The following DENND2C variants were observed in gnomAD, a reference collection of about 807,000 sequenced individuals.
The protein encoded by DENND2C is DENN domain containing 2C.
DENND2C carries 72 observed loss-of-function variants against 112.4 expected under a neutral mutation model. The ratio of observed to expected loss-of-function variants is 0.64; its 90% CI spans 0.53 to 0.78. The LOEUF is 0.78. Among genes scored for constraint, DENND2C ranks in the 30% least tolerant of loss-of-function variants. The pLI is 0.00. For synonymous variants in DENND2C, 329 were observed against 381.6 expected, an observed-to-expected ratio of 0.86 and a Z score of 1.61; for missense variants, 992 against 1,113.8, an observed-to-expected ratio of 0.89 and a Z score of 1.56.
At chr1:114,638,636 G>C (rs572694979) in intron 3 of DENND2C, among the ~76,000 whole-genome samples, 1 of 151,406 alleles carries the variant, frequency 6.6e-6, no homozygotes, top group East Asian at 1.9e-4. Flanking sequence ...GGCGTTGTGC[G>C]TCTGTAATCC....
intron 1 of DENND2C, among the ~76,000 whole-genome samples, chr1:114,659,947 C>T (rs796661718): frequency 1.2e-4 from 8 of 66,448 alleles, no homozygotes; most frequent in South Asian, 6.5e-4. Context: ...CACATCACCA[C>T]GCCTGGCTAA....
At chr1:114,640,312 T>C (rs1393928954) in intron 3 of DENND2C, among the ~76,000 whole-genome samples, 2 of 152,220 alleles carry the variant, frequency 1.3e-5, no homozygotes, top group Non-Finnish European at 2.9e-5. Flanking sequence ...AATCAGTTCA[T>C]GAAAGTTTAT....
chr1:114,633,439 C>CAAAAAA (rs780884019), intron 3 of DENND2C, among the ~76,000 whole-genome samples: 1,111 of 42,448 alleles, frequency 0.026, no homozygotes, highest in East Asian at 0.041. Flanking sequence ...GACCCTATCT[C>CAAAAAA]AAAAAAAAAA....
chr1:114,627,259 A>G (rs1235732240), intron 3 of DENND2C, among the ~76,000 whole-genome samples: 1 of 152,182 alleles, frequency 6.6e-6, no homozygotes, highest in Non-Finnish European at 1.5e-5. Flanking sequence ...AACTTTTCCT[A>G]CCAACTGAGT....
At chr1:114,617,050 T>G (rs1388989366) in intron 8 of DENND2C, among the ~76,000 whole-genome samples, 1 of 152,054 alleles carries the variant, frequency 6.6e-6, no homozygotes, top group Non-Finnish European at 1.5e-5. Context: ...ACTTATTCAC[T>G]CTCATGAGAA....
intron 17 of DENND2C, 24 bp downstream of exon 17, chr1:114,595,808 G>C: frequency 6.2e-7 from 1 of 1,600,238 alleles, no homozygotes; most frequent in Non-Finnish European, 8.6e-7. Flanking sequence ...TAAAACATAA[G>C]TAATTACCTC....
At chr1:114,609,779 T>A (rs988500011) in intron 9 of DENND2C, among the ~76,000 whole-genome samples, 1 of 152,200 alleles carries the variant, frequency 6.6e-6, no homozygotes, top group Non-Finnish European at 1.5e-5. Context: ...AGTTATACTA[T>A]AGATCAAAAT....
chr1:114,633,607 GA>G (rs984324144), intron 3 of DENND2C, among the ~76,000 whole-genome samples: 7 of 149,598 alleles, frequency 4.7e-5, no homozygotes, highest in South Asian at 4.2e-4. Context: ...ACTATTAAAA[GA>G]AAAAAAAAGG....
rs79000220 is a variant in DENND2C at position 114,654,780 on chromosome 1, A to T, written c.-573-19T>A. ...CTGCCACCTAAAAAAAAAAAAAAAA[A>T]AGACAAAGTAGGCAGTCTAAGATGT... On this transcript the variant is annotated intron_variant, in intron 1 of 20. Transcript: ENST00000393274. 6.8e-4 allele frequency: 103 copies of T among 151,660 alleles called. 1 individual carries two copies. The highest frequency in any genetic ancestry group is 2.5e-3 in the African/African-American group (101 of 41,202). 9.4% of individuals were successfully genotyped at this position (151,660 alleles called of 1,614,324 possible). A position where few individuals can be genotyped will look rare whatever the true frequency, so the allele number is the denominator to read the frequency against.
At chr1:114,662,031 T>C (rs189342130) in intron 1 of DENND2C, among the ~76,000 whole-genome samples, 210 of 152,288 alleles carry the variant, frequency 1.4e-3, no homozygotes, top group Non-Finnish European at 2.5e-3. Context: ...ACCATCACTC[T>C]AATTCACATA....
chr1:114,645,812 A>G (rs1656965227), intron 2 of DENND2C, among the ~76,000 whole-genome samples: 1 of 150,916 alleles, frequency 6.6e-6, no homozygotes, highest in Admixed American at 6.6e-5. Flanking sequence ...GTGTGTAGAT[A>G]GGAGAGCTTT....
intron 9 of DENND2C, among the ~76,000 whole-genome samples, chr1:114,609,391 C>T (rs1348964187): frequency 2.6e-5 from 4 of 152,272 alleles, no homozygotes; most frequent in Non-Finnish European, 5.9e-5. Context: ...TGTCCAGTTC[C>T]CTTCTCTCCT....
chr1:114,611,187 T>C, intron 8 of DENND2C, 70 bp from the exon 9 acceptor site: 1 of 1,564,992 alleles, frequency 6.4e-7, no homozygotes, highest in Non-Finnish European at 8.8e-7. Flanking sequence ...GAGAACAATG[T>C]AAACCCACAA....
chr1:114,633,369 AAG>A (rs1656547469), intron 3 of DENND2C, among the ~76,000 whole-genome samples: 1 of 149,936 alleles, frequency 6.7e-6, no homozygotes, highest in Non-Finnish European at 1.5e-5. Flanking sequence ...CGCTTGAAGC[AAG>A]CGAGGTTGCA....
intron 1 of DENND2C, among the ~76,000 whole-genome samples, chr1:114,656,586 C>T (rs1011102676): frequency 6.6e-6 from 1 of 151,034 alleles, no homozygotes. Flanking sequence ...TTAGTAGAGA[C>T]GTAGTTTCAC....
intron 8 of DENND2C, among the ~76,000 whole-genome samples, chr1:114,613,284 G>GT (rs903774139): frequency 1.3e-5 from 2 of 152,212 alleles, no homozygotes; most frequent in Admixed American, 1.3e-4. Context: ...TCTGAATAGT[G>GT]TAAGAGTATT....
chr1:114,613,300 A>C (rs1655873109), intron 8 of DENND2C, among the ~76,000 whole-genome samples: 1 of 152,248 alleles, frequency 6.6e-6, no homozygotes, highest in African/African-American at 2.4e-5. Flanking sequence ...GTATTTGTGT[A>C]GAAAATGTAT....
rs555159614 is a variant in DENND2C at position 114,639,778 on chromosome 1, C to T, written c.-205+5670G>A. 9.1e-4 allele frequency among the ~76,000 whole-genome samples: 136 copies of T among 149,932 alleles called. 1 individual carries two copies. Among genetic ancestry groups the T allele is most frequent in the African/African-American group, 2.7e-3 (112 of 40,754 alleles). Reference sequence around the variant, plus strand: ...AGGCTGGAGTGCAATGGCTTGATCTCGGCTCACTGCAACTTCGGCCTCCTG... The same window carrying T: ...AGGCTGGAGTGCAATGGCTTGATCTTGGCTCACTGCAACTTCGGCCTCCTG... On this transcript the variant is annotated intron_variant, in intron 3 of 20. Coordinates refer to ENST00000393274, the MANE Select transcript of DENND2C (RefSeq NM_001256404.2).
At chr1:114,615,093 T>A (rs1243138158) in intron 8 of DENND2C, among the ~76,000 whole-genome samples, 3 of 152,208 alleles carry the variant, frequency 2.0e-5, no homozygotes, top group African/African-American at 7.2e-5. Context: ...TACAAGCACT[T>A]GTCCTGGCCC....
Sources: gnomAD v4.1 joint callset for allele counts (sites outside exome capture counted in the v4.1 genomes callset) on GRCh38, gnomAD v4.1.1 for gene constraint, MANE v1.5 for transcripts, NCBI Gene and HGNC (gene_info 2026-07-23, HGNC 2026-07-21) for gene names.